Variants in PTPRZ1 observed in about 807,000 individuals in gnomAD.
PTPRZ1 encodes the protein protein tyrosine phosphatase receptor type Z1, also known as receptor-type tyrosine-protein phosphatase zeta.
Under a neutral mutation model 214.1 loss-of-function variants are expected in PTPRZ1, and 82 were observed. The observed-to-expected ratio is 0.38, with a 90% confidence interval of 0.32 to 0.46. PTPRZ1 has a LOEUF of 0.46. PTPRZ1 is among the 20% of genes least tolerant of loss of function. The pLI is 1.00. For missense variants in PTPRZ1, 2,603 were observed against 2,748.7 expected (o/e 0.95, Z 1.19); for synonymous variants, 945 against 987.9 (o/e 0.96, Z 0.81).
intron 13 of PTPRZ1, 33 bp from the exon 14 acceptor site, chr7:122,028,519 C>T (rs904774617): frequency 1.4e-6 from 2 of 1,425,342 alleles, no homozygotes; most frequent in Non-Finnish European, 9.8e-7. Context: ...TCCATAGCAA[C>T]TAGTAGTATA....
At chr7:121,902,617 T>C (rs1794997996) in intron 1 of PTPRZ1, among the ~76,000 whole-genome samples, 1 of 152,196 alleles carries the variant, frequency 6.6e-6, no homozygotes, top group African/African-American at 2.4e-5. Flanking sequence ...TAAGTAGTCA[T>C]GTTAGCATTT....
At position 122,058,808 on chromosome 7, in the gene PTPRZ1, T is replaced by C. The variant is rs1339190879; in HGVS notation, c.6537T>C (p.Tyr2179=). 6 of 1,605,068 alleles carry C rather than the reference T, an allele frequency of 3.7e-6. No individual in the cohort carries two copies. The highest frequency in any genetic ancestry group is 1.7e-5 in the Admixed American group (1 of 59,780). The change falls in exon 28 of 30, where the codon TAT becomes TAC. Residue 2179 remains tyrosine (Y), a synonymous_variant. Transcript: ENST00000393386. ...GTGTTTTCTTGTTATAGGATGATTA[T>C]GTACTTGAAGTGAGGCACTTTCAGT... ...DFILEATQDD[Y]VLEVRHFQCP...
intron 1 of PTPRZ1, among the ~76,000 whole-genome samples, chr7:121,926,535 A>G (rs1795769581): frequency 6.6e-6 from 1 of 152,124 alleles, no homozygotes; most frequent in Admixed American, 6.6e-5. Context: ...GTGACGTGAA[A>G]GAAGGTGGTC....
At chr7:122,038,711 A>G (rs1799624749) in intron 18 of PTPRZ1, 44 bp from the exon 19 acceptor site, 5 of 1,595,548 alleles carry the variant, frequency 3.1e-6, no homozygotes, top group Non-Finnish European at 3.4e-6. Flanking sequence ...TAAAGATGAC[A>G]TATAAATCAG....
At chr7:122,003,292 G>T (rs1242349073) in intron 10 of PTPRZ1, among the ~76,000 whole-genome samples, 4 of 152,100 alleles carry the variant, frequency 2.6e-5, no homozygotes, top group African/African-American at 9.7e-5. Flanking sequence ...GATTGTGATT[G>T]TTTCTAGTGA....
chr7:121,908,658 A>G, intron 1 of PTPRZ1: 2 of 449,216 alleles, frequency 4.5e-6, no homozygotes, highest in East Asian at 6.2e-5. Flanking sequence ...AGCTTTTAAA[A>G]ATTAAAAACT....
chr7:122,013,720 C>G lies in PTPRZ1; in HGVS notation c.4674C>G (p.Ser1558Arg), dbSNP rs752889735. The G allele has an allele frequency of 6.2e-6, 10 of 1,614,064 alleles. No individual in the cohort carries two copies. Among genetic ancestry groups the G allele is most frequent in the Non-Finnish European group, 8.5e-6 (10 of 1,180,028 alleles). Reference protein sequence around the residue: ...ESGSGQGTSDSLNENETSTDF... With the variant: ...ESGSGQGTSDRLNENETSTDF... ...GATCAGGGCAAGGTACCTCAGATAG[C>G]CTTAATGAGAATGAGACTTCCACAG... Residue 1558 changes from serine to arginine, a missense_variant, in exon 12 of 30, where the codon AGC becomes AGG. Coordinates refer to ENST00000393386, the MANE Select transcript of PTPRZ1 (RefSeq NM_002851.3).
chr7:121,918,054 A>AC lies in PTPRZ1; in HGVS notation c.59-10102_59-10101insC, dbSNP rs112197869. ...TTATTTCTAGACCGGCTAAAAAAAAAAAAAAAAGGAATTCATGCCAAAAAT... is the reference window on the plus strand; with the variant it reads ...TTATTTCTAGACCGGCTAAAAAAAAACAAAAAAAGGAATTCATGCCAAAAAT... On this transcript the variant is annotated intron_variant, in intron 1 of 29. Transcript: ENST00000393386. Among the ~76,000 whole-genome samples the AC allele has an allele frequency of 3.9e-3, 586 of 151,914 alleles. 6 individuals carry two copies. Among genetic ancestry groups the AC allele is most frequent in the African/African-American group, 0.013 (528 of 41,484 alleles).
At chr7:121,976,926 G>T (rs938665355) in intron 6 of PTPRZ1, 75 bp downstream of exon 6, 2 of 1,272,974 alleles carry the variant, frequency 1.6e-6, no homozygotes, top group South Asian at 1.5e-5. Flanking sequence ...TACGACAAAA[G>T]TCACTTGTTC....
At chr7:121,920,406 C>A (rs1795560950) in intron 1 of PTPRZ1, among the ~76,000 whole-genome samples, 1 of 152,040 alleles carries the variant, frequency 6.6e-6, no homozygotes, top group African/African-American at 2.4e-5. Flanking sequence ...TTGCTACTCC[C>A]TTTTATATAC....
chr7:121,975,122 C>T (rs998205587), intron 4 of PTPRZ1, among the ~76,000 whole-genome samples: 3 of 152,198 alleles, frequency 2.0e-5, no homozygotes, highest in Admixed American at 6.5e-5. Context: ...ATGAGGTCAA[C>T]GCTGCAATGA....
Position 122,059,816 on chromosome 7 carries a change from AG to A in PTPRZ1, c.6736del (p.Glu2246LysfsTer9). 6.2e-7 allele frequency: 1 copy of A among 1,613,734 alleles called. No individual in the cohort carries two copies. Among genetic ancestry groups the A allele is most frequent in the Non-Finnish European group, 8.5e-7 (1 of 1,179,808 alleles). ...LTTLMHQLEK[E>X]NSVDVYQVAK... The stretch of plus-strand genomic sequence containing the variant: ...CAACCCTTATGCACCAACTAGAAAA[AG>A]AAAATTCCGTGGATGTTTACCAGGT... On this transcript the variant is annotated frameshift_variant, in exon 29 of 30. Transcript: ENST00000393386. LOFTEE classifies it high-confidence loss of function.
chr7:122,023,719 T>C (rs1372421082), intron 13 of PTPRZ1, among the ~76,000 whole-genome samples: 1 of 132,946 alleles, frequency 7.5e-6, no homozygotes, highest in Admixed American at 8.5e-5. Flanking sequence ...TATAATTATA[T>C]ATATTATATG....
intron 2 of PTPRZ1, among the ~76,000 whole-genome samples, chr7:121,948,760 A>AT (rs34313086): frequency 0.75 from 108,962 of 144,496 alleles, 41,123 homozygotes; most frequent in Non-Finnish European, 0.81. Context: ...CATACAATCC[A>AT]TTTTTTTTTT....
intron 1 of PTPRZ1, among the ~76,000 whole-genome samples, chr7:121,916,524 C>G (rs890414615): frequency 2.6e-5 from 4 of 152,168 alleles, no homozygotes; most frequent in Non-Finnish European, 4.4e-5. Context: ...TAAATAATAT[C>G]TAACCCCTGG....
At chr7:122,044,160 A>C (rs928252751) in intron 22 of PTPRZ1, among the ~76,000 whole-genome samples, 1 of 152,102 alleles carries the variant, frequency 6.6e-6, no homozygotes, top group African/African-American at 2.4e-5. Flanking sequence ...TGCCTTGCCA[A>C]CTCTTCCTGC....
At chr7:121,958,104 C>A (rs1184353428) in intron 2 of PTPRZ1, among the ~76,000 whole-genome samples, 1 of 152,086 alleles carries the variant, frequency 6.6e-6, no homozygotes. Flanking sequence ...CTGTGTGCCA[C>A]CTTATCATCC....
chr7:121,878,278 G>C (rs1305791556), intron 1 of PTPRZ1, among the ~76,000 whole-genome samples: 1 of 152,166 alleles, frequency 6.6e-6, no homozygotes, highest in Non-Finnish European at 1.5e-5. Flanking sequence ...TCAGTAATCT[G>C]TGTGGCTAGT....
In PTPRZ1 at chr7:121,930,853, T is replaced by G. The variant is rs369917935; in HGVS notation, c.124+2632T>G. 7.9e-4 allele frequency among the ~76,000 whole-genome samples: 121 copies of G among 152,290 alleles called. No individual in the cohort carries two copies. The East Asian group carries it at 0.02, about 25-fold the overall frequency. On this transcript the variant is annotated intron_variant, in intron 2 of 29. Transcript: ENST00000393386. ...AGTATTTTATAAAAATCATGACTGT[T>G]TTTTAATGCCCCTAATAATTATGAG...
Sources: allele counts gnomAD v4.1 joint callset (sites outside exome capture counted in the v4.1 genomes callset), GRCh38; gene constraint gnomAD v4.1.1; transcripts MANE v1.5; gene names NCBI Gene and HGNC (gene_info 2026-07-23, HGNC 2026-07-21).